PGCKA1: variants seen among roughly 807,000 people sequenced by gnomAD.
PGCKA1 encodes PDCD10 and GCKIII kinases-associated protein 1.
the PGCKA1 span, among the ~76,000 whole-genome samples, chr4:37,582,548 C>T: frequency 6.6e-6 from 1 of 152,190 alleles, no homozygotes; most frequent in Non-Finnish European, 1.5e-5. Context: ...AATTTGGAAG[C>T]ATTCTTCTGT....
At chr4:37,550,032 G>A in the PGCKA1 span, among the ~76,000 whole-genome samples, 2 of 152,194 alleles carry the variant, frequency 1.3e-5, no homozygotes, top group Non-Finnish European at 2.9e-5. Context: ...ACAAAAGATT[G>A]CTACAGTCCT....
At chr4:37,582,557 G>C in the PGCKA1 span, among the ~76,000 whole-genome samples, 1 of 152,122 alleles carries the variant, frequency 6.6e-6, no homozygotes, top group Non-Finnish European at 1.5e-5. Flanking sequence ...GCATTCTTCT[G>C]TCTTTCTTTG....
At chr4:37,511,071 G>A in the PGCKA1 span, among the ~76,000 whole-genome samples, 1 of 151,894 alleles carries the variant, frequency 6.6e-6, no homozygotes, top group South Asian at 2.1e-4. Context: ...TGTGGTGAGT[G>A]CTGCCAAGCC....
At chr4:37,481,581 C>T in the PGCKA1 span, among the ~76,000 whole-genome samples, 24 of 151,090 alleles carry the variant, frequency 1.6e-4, no homozygotes, top group East Asian at 3.9e-3. Flanking sequence ...ACCCTTTTGC[C>T]GACTCTTCAC....
chr4:37,549,450 C>G, the PGCKA1 span, among the ~76,000 whole-genome samples: 1 of 152,192 alleles, frequency 6.6e-6, no homozygotes. Context: ...AAGGCTGACC[C>G]CCATGTCTAA....
chr4:37,528,795 A>G, the PGCKA1 span, among the ~76,000 whole-genome samples: 3 of 152,220 alleles, frequency 2.0e-5, no homozygotes, highest in Non-Finnish European at 4.4e-5. Context: ...AAATTCACAT[A>G]CAATTGTATA....
the PGCKA1 span, chr4:37,590,476 G>C: frequency 1.9e-6 from 3 of 1,611,170 alleles, no homozygotes; most frequent in Non-Finnish European, 2.5e-6. Context: ...GGAAGGAGGG[G>C]GCACCAGGAA....
the PGCKA1 span, among the ~76,000 whole-genome samples, chr4:37,453,642 AT>A: frequency 6.6e-6 from 1 of 152,122 alleles, no homozygotes; most frequent in Non-Finnish European, 1.5e-5. Context: ...CCAGCGCAAC[AT>A]TGGAGTAAGC....
At chr4:37,477,889 A>C in the PGCKA1 span, among the ~76,000 whole-genome samples, 22 of 152,338 alleles carry the variant, frequency 1.4e-4, no homozygotes, top group African/African-American at 5.0e-4. Flanking sequence ...AATTAAAGAC[A>C]TAAATTATCC....
chr4:37,503,814 C>T, the PGCKA1 span, among the ~76,000 whole-genome samples: 1 of 151,926 alleles, frequency 6.6e-6, no homozygotes, highest in African/African-American at 2.4e-5. Context: ...TATTTTTTTC[C>T]TATGGAGTTG....
At chr4:37,527,106 T>A in the PGCKA1 span, among the ~76,000 whole-genome samples, 2 of 148,998 alleles carry the variant, frequency 1.3e-5, no homozygotes, top group Non-Finnish European at 1.5e-5. Flanking sequence ...TTAAAAAAAA[T>A]TAATTAAAAA....
At chr4:37,561,759 G>A in the PGCKA1 span, among the ~76,000 whole-genome samples, 1 of 152,300 alleles carries the variant, frequency 6.6e-6, no homozygotes, top group South Asian at 2.1e-4. Context: ...ATGGGGTTAG[G>A]TTCCTAGAAG....
At chr4:37,489,465 T>C in the PGCKA1 span, among the ~76,000 whole-genome samples, 2 of 152,174 alleles carry the variant, frequency 1.3e-5, no homozygotes, top group Non-Finnish European at 2.9e-5. Flanking sequence ...AGGATGATAG[T>C]CTTCTTAATT....
the PGCKA1 span, among the ~76,000 whole-genome samples, chr4:37,506,821 T>C: frequency 6.6e-6 from 1 of 152,124 alleles, no homozygotes; most frequent in African/African-American, 2.4e-5. Context: ...AGATAAAGCC[T>C]GATGTTTCTT....
At chr4:37,473,782 T>C in the PGCKA1 span, among the ~76,000 whole-genome samples, 1 of 152,108 alleles carries the variant, frequency 6.6e-6, no homozygotes. Context: ...TCAGAATATA[T>C]GCACCACTCA....
chr4:37,569,879 C>T, the PGCKA1 span, among the ~76,000 whole-genome samples: 1 of 152,030 alleles, frequency 6.6e-6, no homozygotes, highest in Non-Finnish European at 1.5e-5. Context: ...TCAAAGCCAG[C>T]GCTAGACCAT....
At chr4:37,510,325 A>C in the PGCKA1 span, among the ~76,000 whole-genome samples, 2 of 152,180 alleles carry the variant, frequency 1.3e-5, no homozygotes, top group South Asian at 2.1e-4. Context: ...AGTCTTTGCT[A>C]TAGGGGCTTT....
chr4:37,509,213 G>A, the PGCKA1 span, among the ~76,000 whole-genome samples: 1 of 145,268 alleles, frequency 6.9e-6, no homozygotes, highest in Non-Finnish European at 1.5e-5. Flanking sequence ...AGACGGGGTG[G>A]CGGCCAGGCA....
At chr4:37,465,016 A>G in the PGCKA1 span, among the ~76,000 whole-genome samples, 1 of 152,242 alleles carries the variant, frequency 6.6e-6, no homozygotes, top group Non-Finnish European at 1.5e-5. Flanking sequence ...AAAGCTCAAG[A>G]ACGTGACCTT....
Sources: allele counts gnomAD v4.1 joint callset (sites outside exome capture counted in the v4.1 genomes callset), GRCh38; gene constraint gnomAD v4.1.1; transcripts MANE v1.5; gene names NCBI Gene and HGNC (gene_info 2026-07-23, HGNC 2026-07-21).